Variants in BEND6 observed in about 807,000 individuals in gnomAD.
BEND6 encodes the protein BEN domain-containing protein 6.
In BEND6, 24 loss-of-function variants were observed where a neutral mutation model predicts 31.8. The observed-to-expected ratio is 0.75, with a 90% CI of 0.55 to 1.06. The LOEUF (loss-of-function observed/expected upper bound fraction) is 1.06. BEND6 is among the 50% of genes least tolerant of loss of function. The pLI is 0.00. For missense variants in BEND6, 294 were observed against 327.4 expected (o/e 0.90, Z 0.79); for synonymous variants, 109 against 114.6 (o/e 0.95, Z 0.31).
intron 3 of BEND6, among the ~76,000 whole-genome samples, chr6:57,008,028 G>A (rs967028228): frequency 6.6e-6 from 1 of 152,186 alleles, no homozygotes; most frequent in African/African-American, 2.4e-5. Context: ...ATGCAGTATA[G>A]CATTGGCCTA....
intron 3 of BEND6, among the ~76,000 whole-genome samples, chr6:57,003,934 G>T (rs1177914007): frequency 1.3e-5 from 2 of 152,124 alleles, no homozygotes; most frequent in East Asian, 1.9e-4. Flanking sequence ...AAAACTTCAT[G>T]ATCATCTCAA....
At chr6:57,008,329 C>T in intron 3 of BEND6, 2 of 685,250 alleles carry the variant, frequency 2.9e-6, no homozygotes, top group Admixed American at 4.2e-5. Context: ...GGCAGAAGCC[C>T]ATGCAAGGCT....
At chr6:56,990,282 G>T (rs558548733) in intron 2 of BEND6, among the ~76,000 whole-genome samples, 2 of 119,332 alleles carry the variant, frequency 1.7e-5, no homozygotes, top group African/African-American at 3.2e-5. Context: ...ACAGGGTCTC[G>T]CTCTGTCTTC....
intron 6 of BEND6, among the ~76,000 whole-genome samples, chr6:57,023,640 A>G (rs1827818220): frequency 6.6e-6 from 1 of 152,184 alleles, no homozygotes; most frequent in Non-Finnish European, 1.5e-5. Context: ...CTTTGAGGCA[A>G]GGTCTTACTC....
At chr6:56,984,522 G>A (rs1273059999) in intron 2 of BEND6, among the ~76,000 whole-genome samples, 1 of 152,176 alleles carries the variant, frequency 6.6e-6, no homozygotes, top group Non-Finnish European at 1.5e-5. Flanking sequence ...GCTGATGCAG[G>A]TTTAGGGAAA....
At chr6:56,990,543 G>A (rs1373685201) in intron 2 of BEND6, among the ~76,000 whole-genome samples, 5 of 151,862 alleles carry the variant, frequency 3.3e-5, no homozygotes, top group African/African-American at 4.8e-5. Flanking sequence ...CACCATACCC[G>A]ACCTCAGGCC....
At chr6:57,022,431 T>C (rs1332302726) in intron 6 of BEND6, among the ~76,000 whole-genome samples, 1 of 152,114 alleles carries the variant, frequency 6.6e-6, no homozygotes, top group Non-Finnish European at 1.5e-5. Context: ...TTCATAATAC[T>C]CTCTAATGAG....
intron 6 of BEND6, among the ~76,000 whole-genome samples, chr6:57,023,680 A>T (rs1827820284): frequency 6.6e-6 from 1 of 152,182 alleles, no homozygotes; most frequent in Non-Finnish European, 1.5e-5. Flanking sequence ...ATCATGACTC[A>T]CTGCAGCCTC....
intron 3 of BEND6, among the ~76,000 whole-genome samples, chr6:56,995,587 G>C (rs548217863): frequency 2.1e-4 from 32 of 152,158 alleles, no homozygotes; most frequent in Non-Finnish European, 3.8e-4. Context: ...AATCTGTTCA[G>C]GTTTCTCTCC....
At chr6:57,020,969 C>G (rs1827725880) in intron 6 of BEND6, among the ~76,000 whole-genome samples, 1 of 151,444 alleles carries the variant, frequency 6.6e-6, no homozygotes, top group South Asian at 2.1e-4. Context: ...TTGTACTTAA[C>G]AATAGAAGTG....
intron 2 of BEND6, among the ~76,000 whole-genome samples, chr6:56,988,120 G>T (rs1826351239): frequency 6.6e-6 from 1 of 151,508 alleles, no homozygotes; most frequent in Admixed American, 6.6e-5. Flanking sequence ...GGGTTCAACG[G>T]ATTCTTCTGC....
chr6:56,959,179 C>G (rs1825202443), intron 1 of BEND6, among the ~76,000 whole-genome samples: 2 of 152,192 alleles, frequency 1.3e-5, no homozygotes, highest in South Asian at 4.1e-4. Flanking sequence ...CAGACTAGCT[C>G]TTTCTGGTCT....
intron 1 of BEND6, among the ~76,000 whole-genome samples, chr6:56,974,231 G>A (rs1455390414): frequency 6.6e-6 from 1 of 152,114 alleles, no homozygotes; most frequent in African/African-American, 2.4e-5. Context: ...AGGAATTAAA[G>A]CAGATGGCCT....
chr6:56,996,713 G>C (rs1021363662), intron 3 of BEND6, among the ~76,000 whole-genome samples: 2 of 152,044 alleles, frequency 1.3e-5, no homozygotes, highest in Admixed American at 1.3e-4. Flanking sequence ...TTCTATTTCT[G>C]TATTTATTTT....
At chr6:57,015,398 ATAAAAAATT>A (rs1450287915) in intron 4 of BEND6, 45 bp downstream of exon 4, 1 of 1,501,204 alleles carries the variant, frequency 6.7e-7, no homozygotes. Flanking sequence ...ATATGCTTAA[ATAAAAAATT>A]TAAATAAGGG....
intron 1 of BEND6, among the ~76,000 whole-genome samples, chr6:56,957,449 A>G (rs769502674): frequency 1.3e-5 from 2 of 152,220 alleles, no homozygotes; most frequent in Non-Finnish European, 2.9e-5. Context: ...CATACATAGT[A>G]TTAATTGCTT....
At chr6:56,966,815 C>G (rs1825497306) in intron 1 of BEND6, among the ~76,000 whole-genome samples, 1 of 152,144 alleles carries the variant, frequency 6.6e-6, no homozygotes, top group South Asian at 2.1e-4. Flanking sequence ...GACTCTGGTA[C>G]AGATGATGAA....
chr6:57,004,131 C>T (rs1291853800), intron 3 of BEND6, among the ~76,000 whole-genome samples: 2 of 152,126 alleles, frequency 1.3e-5, no homozygotes, highest in Non-Finnish European at 2.9e-5. Flanking sequence ...CAAGGATGAC[C>T]ACTGTCATCA....
chr6:56,960,273 A>G (rs922544551), intron 1 of BEND6, among the ~76,000 whole-genome samples: 1 of 150,006 alleles, frequency 6.7e-6, no homozygotes, highest in African/African-American at 2.5e-5. Context: ...ATCGTTCATT[A>G]TTATTCCGAT....
Sources: gnomAD v4.1 joint callset for allele counts (sites outside exome capture counted in the v4.1 genomes callset) on GRCh38, gnomAD v4.1.1 for gene constraint, MANE v1.5 for transcripts, NCBI Gene and HGNC (gene_info 2026-07-23, HGNC 2026-07-21) for gene names.